NMNAT3: variants seen among roughly 807,000 people sequenced by gnomAD.
NMNAT3 encodes nicotinamide nucleotide adenylyltransferase 3, also known as nicotinamide/nicotinic acid mononucleotide adenylyltransferase 3.
In NMNAT3, 21 loss-of-function variants were observed where a neutral mutation model predicts 24.8. The observed-to-expected ratio is 0.85, with a 90% confidence interval of 0.60 to 1.22. The LOEUF is 1.22. Ranked by LOEUF, NMNAT3 falls within the 50% of genes most tolerant of loss-of-function variation. The probability of loss-of-function intolerance (pLI) is 0.00; values close to 1 mark genes in which losing one functional copy is unlikely to be tolerated. For missense variants in NMNAT3, 387 were observed against 436.6 expected, an observed-to-expected ratio of 0.89 and a Z score of 1.01; for synonymous variants, 136 against 155.2, an observed-to-expected ratio of 0.88 and a Z score of 0.92.
chr3:139,666,687 C>A (rs984543545), intron 1 of NMNAT3, among the ~76,000 whole-genome samples: 10 of 152,112 alleles, frequency 6.6e-5, no homozygotes, highest in African/African-American at 2.4e-4. Context: ...GAACTTACTC[C>A]TAACTGTATG....
chr3:139,561,301 T>A lies in NMNAT3; in HGVS notation c.750A>T (p.Ile250=). The A allele has an allele frequency of 6.2e-7, 1 of 1,614,066 alleles. No homozygotes were observed. The stretch of plus-strand genomic sequence containing the variant: ...CGCACACCAAGCCAAACTTCTCCAC[T>A]ATTTCCTGGATGTGCGCATCCTTCC... Residue 250 remains isoleucine (I), a synonymous_variant, in exon 7 of 7, where the codon ATA becomes ATT. Coordinates refer to ENST00000643695, the MANE Select transcript of NMNAT3 (RefSeq NM_001320510.2).
chr3:139,613,876 A>T (rs1237743265), intron 3 of NMNAT3, among the ~76,000 whole-genome samples: 1 of 152,178 alleles, frequency 6.6e-6, no homozygotes. Flanking sequence ...TCAGCAAAGT[A>T]TCGCAAGGAC....
At chr3:139,579,264 T>C (rs1048587473) in intron 4 of NMNAT3, among the ~76,000 whole-genome samples, 2 of 152,158 alleles carry the variant, frequency 1.3e-5, no homozygotes, top group Non-Finnish European at 2.9e-5. Flanking sequence ...TAGAGCCTTC[T>C]ACAACCCGGG....
At chr3:139,625,079 A>G (rs1252453299) in intron 3 of NMNAT3, among the ~76,000 whole-genome samples, 1 of 152,200 alleles carries the variant, frequency 6.6e-6, no homozygotes, top group Non-Finnish European at 1.5e-5. Context: ...CCCCTTTGTG[A>G]TTATGAAATG....
chr3:139,652,466 AAGG>A (rs1277753359), intron 1 of NMNAT3, among the ~76,000 whole-genome samples: 1 of 152,170 alleles, frequency 6.6e-6, no homozygotes, highest in Non-Finnish European at 1.5e-5. Flanking sequence ...ATTGCACAGC[AAGG>A]AGGAGTGAGC....
intron 4 of NMNAT3, among the ~76,000 whole-genome samples, chr3:139,581,839 T>C (rs1178199913): frequency 6.6e-6 from 1 of 152,134 alleles, no homozygotes; most frequent in Non-Finnish European, 1.5e-5. Context: ...ACAACTTTAA[T>C]ACTCTTGAAA....
intron 3 of NMNAT3, among the ~76,000 whole-genome samples, chr3:139,613,592 C>G (rs537013396): frequency 0.02 from 3,019 of 152,168 alleles, 86 homozygotes; most frequent in African/African-American, 0.067. Flanking sequence ...CCTCAGGGAT[C>G]TAGAACTAGA....
chr3:139,596,553 G>C (rs1298647344), intron 3 of NMNAT3, among the ~76,000 whole-genome samples: 1 of 151,774 alleles, frequency 6.6e-6, no homozygotes, highest in African/African-American at 2.4e-5. Context: ...CCATTATGCT[G>C]TCTGGAGTCA....
At chr3:139,626,300 A>T (rs1305814392) in intron 3 of NMNAT3, among the ~76,000 whole-genome samples, 1 of 151,936 alleles carries the variant, frequency 6.6e-6, no homozygotes, top group Non-Finnish European at 1.5e-5. Context: ...TTTCTTTTTT[A>T]AAATTTTTTC....
chr3:139,621,186 C>A (rs1345749209), intron 3 of NMNAT3, among the ~76,000 whole-genome samples: 2 of 152,166 alleles, frequency 1.3e-5, no homozygotes, highest in African/African-American at 4.8e-5. Flanking sequence ...GGTCCTTAGC[C>A]ATACTTGGTA....
intron 1 of NMNAT3, among the ~76,000 whole-genome samples, chr3:139,653,626 C>T (rs1455714653): frequency 2.0e-5 from 3 of 152,200 alleles, no homozygotes; most frequent in African/African-American, 7.2e-5. Flanking sequence ...CAGTTTGTTG[C>T]CTTCAAGGTC....
intron 1 of NMNAT3, among the ~76,000 whole-genome samples, chr3:139,650,256 A>T (rs1056514124): frequency 1.3e-5 from 2 of 152,220 alleles, no homozygotes; most frequent in Non-Finnish European, 2.9e-5. Flanking sequence ...AATCATAAAA[A>T]GTGTTGACAT....
At chr3:139,594,123 AGG>A (rs779546432) in intron 3 of NMNAT3, among the ~76,000 whole-genome samples, 2 of 152,176 alleles carry the variant, frequency 1.3e-5, no homozygotes, top group Non-Finnish European at 2.9e-5. Context: ...AAAATGATAA[AGG>A]GGATATCACC....
At chr3:139,569,202 T>C (rs1197797952) in intron 6 of NMNAT3, 1 of 152,096 alleles carries the variant, frequency 6.6e-6, no homozygotes, top group Non-Finnish European at 1.5e-5. Context: ...TTGGTAGATC[T>C]TCCTCCATCC....
chr3:139,643,777 C>A (rs758591330), intron 1 of NMNAT3, among the ~76,000 whole-genome samples: 3 of 152,180 alleles, frequency 2.0e-5, no homozygotes, highest in East Asian at 3.9e-4. Context: ...TTTAGTTTTG[C>A]GAGGTAAGTT....
At chr3:139,608,929 A>G (rs555747886) in intron 3 of NMNAT3, among the ~76,000 whole-genome samples, 1 of 152,314 alleles carries the variant, frequency 6.6e-6, no homozygotes, top group African/African-American at 2.4e-5. Context: ...CCTGTTAACC[A>G]CTGATATGTT....
chr3:139,641,150 G>GCA (rs2108356222), intron 1 of NMNAT3, among the ~76,000 whole-genome samples: 1 of 152,276 alleles, frequency 6.6e-6, no homozygotes, highest in South Asian at 2.1e-4. Flanking sequence ...CAAAGCCTAT[G>GCA]CATAGGTTAA....
chr3:139,652,730 A>G (rs542790786), intron 1 of NMNAT3, among the ~76,000 whole-genome samples: 1 of 152,356 alleles, frequency 6.6e-6, no homozygotes, highest in Admixed American at 6.5e-5. Context: ...TGAAAGCAAA[A>G]GCAAACAGAT....
chr3:139,651,610 G>T (rs568631834), intron 1 of NMNAT3, among the ~76,000 whole-genome samples: 89 of 152,270 alleles, frequency 5.8e-4, no homozygotes, highest in African/African-American at 2.1e-3. Context: ...AAACCAAAGG[G>T]TGTATCTCAA....
Sources: gnomAD v4.1 joint callset for allele counts (sites outside exome capture counted in the v4.1 genomes callset) on GRCh38, gnomAD v4.1.1 for gene constraint, MANE v1.5 for transcripts, NCBI Gene and HGNC (gene_info 2026-07-23, HGNC 2026-07-21) for gene names.